Variants in ADAMTS18 observed in about 807,000 individuals in gnomAD.
ADAMTS18 encodes the protein ADAM metallopeptidase with thrombospondin type 1 motif 18, also known as A disintegrin and metalloproteinase with thrombospondin motifs 18.
In ADAMTS18, 157 loss-of-function variants were observed where a neutral mutation model predicts 165.9. The observed-to-expected ratio is 0.95, with a 90% CI of 0.83 to 1.08. The LOEUF (loss-of-function observed/expected upper bound fraction) is 1.08, where lower values mean the gene tolerates loss of function less well. Among genes scored for constraint, ADAMTS18 ranks in the 50% least tolerant of loss-of-function variants. The pLI, the probability that ADAMTS18 is intolerant of heterozygous loss-of-function variation, is 0.00. For missense variants in ADAMTS18, 2,040 were observed against 1,534.0 expected, an observed-to-expected ratio of 1.33 and a Z score of -5.51; for synonymous variants, 782 against 578.2, an observed-to-expected ratio of 1.35 and a Z score of -5.06.
rs200629744 is a variant in ADAMTS18, at chr16:77,375,890, C to CTTTTTTTTTT, written c.496-8177_496-8168dup. Among the ~76,000 whole-genome samples the CTTTTTTTTTT allele has an allele frequency of 8.0e-4, 75 of 93,874 alleles. 1 individual carries two copies. Among genetic ancestry groups the CTTTTTTTTTT allele is most frequent in the Non-Finnish European group, 1.3e-3 (63 of 48,324 alleles). 61.6% of individuals were successfully genotyped at this position (93,874 alleles called of 152,430 possible). On this transcript the variant is annotated intron_variant, in intron 3 of 22. Transcript: ENST00000282849. The stretch of plus-strand genomic sequence containing the variant: ...TTTTATGTCGTTTTTTCTTTCTTTC[C>CTTTTTTTTTT]TTTTTTTTTTTTTTTTTTTTTTTTT...
intron 16 of ADAMTS18, among the ~76,000 whole-genome samples, chr16:77,306,033 C>G (rs2055675941): frequency 6.6e-6 from 1 of 152,158 alleles, no homozygotes; most frequent in Non-Finnish European, 1.5e-5. Flanking sequence ...GGCACCACAT[C>G]ACAATAATGC....
chr16:77,321,086 T>A lies in ADAMTS18; in HGVS notation c.2280A>T (p.Lys760Asn), dbSNP rs151306394. The change falls in exon 15 of 23, where the codon AAA (lysine) becomes AAT (asparagine). Residue 760 changes from lysine to asparagine, a missense_variant. Physicochemically the swap from Lys to Asn is moderately conservative, Grantham distance 94. Coordinates refer to ENST00000282849, the MANE Select transcript of ADAMTS18 (RefSeq NM_199355.4). ...FYKGLYLNQH[K>N]ANEYYPVVLI... ...AACAGCAGCATCTCTCACCATTTGC[T>A]TTATGCTGGTTGAGGTACAGGCCTT... The A allele has an allele frequency of 1.2e-6, 2 of 1,614,202 alleles. No individual in the cohort carries two copies. Among genetic ancestry groups the A allele is most frequent in the African/African-American group, 2.7e-5 (2 of 75,066 alleles).
At chr16:77,312,541 T>C (rs1249618587) in intron 16 of ADAMTS18, among the ~76,000 whole-genome samples, 1 of 152,090 alleles carries the variant, frequency 6.6e-6, no homozygotes, top group Admixed American at 6.5e-5. Context: ...CTCGGCCGTC[T>C]CAAAAAAAAC....
rs1368160133 is a variant in ADAMTS18 at position 77,283,011 on chromosome 16, C to G, written c.*945G>C. 6.8e-6 allele frequency: 1 copy of G among 148,072 alleles called. No individual in the cohort carries two copies. The highest frequency in any genetic ancestry group is 1.5e-5 in the Non-Finnish European group (1 of 67,422). The allele number at this position is 148,072 out of a possible 1,614,324, so 9.2% of individuals were successfully genotyped here. On this transcript the variant is annotated 3_prime_UTR_variant, in exon 23 of 23. Transcript: ENST00000282849. The stretch of plus-strand genomic sequence containing the variant: ...GTGGCCTTTAATTTTCCAAGCAGCT[C>G]TGGTAGTATGTACAGAGCATTATAA...
intron 16 of ADAMTS18, among the ~76,000 whole-genome samples, chr16:77,306,768 T>C (rs2055689622): frequency 6.6e-6 from 1 of 152,198 alleles, no homozygotes; most frequent in South Asian, 2.1e-4. Context: ...TTAAAATTGA[T>C]AACGACATTA....
At chr16:77,299,128 G>C (rs577376484) in intron 17 of ADAMTS18, among the ~76,000 whole-genome samples, 1 of 152,332 alleles carries the variant, frequency 6.6e-6, no homozygotes, top group South Asian at 2.1e-4. Context: ...GTGACTAAAT[G>C]AAACAGTGTG....
At chr16:77,427,176 T>C (rs1293367961) in intron 3 of ADAMTS18, among the ~76,000 whole-genome samples, 1 of 152,192 alleles carries the variant, frequency 6.6e-6, no homozygotes, top group Non-Finnish European at 1.5e-5. Flanking sequence ...GCTTCTGTTG[T>C]AGACAAAGGA....
At chr16:77,297,753 A>C (rs2055501712) in intron 17 of ADAMTS18, among the ~76,000 whole-genome samples, 1 of 152,072 alleles carries the variant, frequency 6.6e-6, no homozygotes, top group African/African-American at 2.4e-5. Context: ...TATCAGATTA[A>C]TGTTCTTCAA....
chr16:77,428,565 C>T (rs866355322), intron 3 of ADAMTS18, among the ~76,000 whole-genome samples: 8 of 152,122 alleles, frequency 5.3e-5, no homozygotes, highest in Admixed American at 2.0e-4. Flanking sequence ...AACTCTCATA[C>T]ACTGGTGATG....
At chr16:77,318,670 C>T (rs1003407652) in intron 16 of ADAMTS18, among the ~76,000 whole-genome samples, 8 of 152,170 alleles carry the variant, frequency 5.3e-5, no homozygotes, top group African/African-American at 1.9e-4. Context: ...TTACATAGAT[C>T]TCATACTCCT....
chr16:77,411,669 T>A (rs913815579), intron 3 of ADAMTS18, among the ~76,000 whole-genome samples: 1 of 143,370 alleles, frequency 7.0e-6, no homozygotes, highest in African/African-American at 2.6e-5. Context: ...GACCACAGAG[T>A]ATCCAGAATT....
intron 10 of ADAMTS18, among the ~76,000 whole-genome samples, chr16:77,342,654 T>G (rs1324240514): frequency 6.6e-6 from 1 of 152,222 alleles, no homozygotes; most frequent in Non-Finnish European, 1.5e-5. Flanking sequence ...ACCAGGCCTA[T>G]GAAATAATTT....
Position 77,335,698 on chromosome 16 carries a change from C to T in ADAMTS18, c.1859+58G>A, listed in dbSNP as rs116244105. 3,371 of 1,602,416 alleles carry T rather than the reference C, an allele frequency of 2.1e-3. 55 individuals carry two copies. In the African/African-American group the frequency reaches 0.038, roughly 18 times the overall value. On this transcript the variant is annotated intron_variant, in intron 12 of 22. Coordinates refer to ENST00000282849, the MANE Select transcript of ADAMTS18 (RefSeq NM_199355.4). ...TTAAAGTATGAACAAGAAAAACCAG[C>T]GTGTTACAGGCTGAAGGTTAAGGCC...
At chr16:77,414,742 T>C (rs1353028125) in intron 3 of ADAMTS18, among the ~76,000 whole-genome samples, 3 of 152,176 alleles carry the variant, frequency 2.0e-5, no homozygotes, top group Non-Finnish European at 4.4e-5. Flanking sequence ...CAAATAAACA[T>C]CTTCAAAGAC....
chr16:77,347,992 T>C (rs965500775), intron 10 of ADAMTS18, among the ~76,000 whole-genome samples: 1 of 152,196 alleles, frequency 6.6e-6, no homozygotes, highest in African/African-American at 2.4e-5. Context: ...ATCTGATACA[T>C]AATAAGCACT....
Position 77,365,067 on chromosome 16 carries a change from C to G in ADAMTS18, c.779-686G>C, listed in dbSNP as rs373150458. The stretch of plus-strand genomic sequence containing the variant: ...GTTGCAGTGAGCCAAGATCACCCCA[C>G]TGCAGTCCATAAGGAAGTCTCTCCT... On this transcript the variant is annotated intron_variant, in intron 4 of 22. Coordinates refer to ENST00000282849, the MANE Select transcript of ADAMTS18 (RefSeq NM_199355.4). Among the ~76,000 whole-genome samples the G allele has an allele frequency of 3.9e-5, 6 of 152,162 alleles. No individual in the cohort carries two copies. The East Asian group carries it at 7.7e-4, about 20-fold the overall frequency.
intron 12 of ADAMTS18, among the ~76,000 whole-genome samples, chr16:77,331,343 C>T (rs965898427): frequency 2.0e-5 from 3 of 152,068 alleles, no homozygotes; most frequent in Non-Finnish European, 1.5e-5. Flanking sequence ...GGATGAAAAC[C>T]AGATCCATGA....
chr16:77,291,576 T>A, intron 20 of ADAMTS18, 98 bp from the exon 21 acceptor site: 1 of 1,196,728 alleles, frequency 8.4e-7, no homozygotes, highest in Non-Finnish European at 1.2e-6. Flanking sequence ...CCACATGAAA[T>A]AGGAGGGATG....
chr16:77,376,770 A>G (rs1022948081), intron 3 of ADAMTS18, among the ~76,000 whole-genome samples: 1 of 150,496 alleles, frequency 6.6e-6, no homozygotes, highest in Non-Finnish European at 1.5e-5. Context: ...ATTTGTGAAC[A>G]GGTGTTTTCT....
Sources: gnomAD v4.1 joint callset for allele counts (sites outside exome capture counted in the v4.1 genomes callset) on GRCh38, gnomAD v4.1.1 for gene constraint, MANE v1.5 for transcripts, NCBI Gene and HGNC (gene_info 2026-07-23, HGNC 2026-07-21) for gene names.